CEP85: variants seen among roughly 807,000 people sequenced by gnomAD.
CEP85 encodes the protein centrosomal protein 85, also known as centrosomal protein of 85 kDa.
In CEP85, 58 loss-of-function variants were observed where a neutral mutation model predicts 93.7. The ratio of observed to expected loss-of-function variants is 0.62; its 90% confidence interval spans 0.50 to 0.77. CEP85 has a LOEUF of 0.77. Among genes scored for constraint, CEP85 ranks in the 30% least tolerant of loss-of-function variants. CEP85 has a pLI of 0.00. For synonymous variants in CEP85, 314 were observed against 338.6 expected (o/e 0.93, Z 0.80); for missense variants, 868 against 922.0 (o/e 0.94, Z 0.76).
At chr1:26,252,685 G>A (rs190111579) in intron 3 of CEP85, among the ~76,000 whole-genome samples, 1 of 152,266 alleles carries the variant, frequency 6.6e-6, no homozygotes, top group Non-Finnish European at 1.5e-5. Flanking sequence ...TTGGTCCTGA[G>A]AGACTAATGC....
At chr1:26,271,961 C>T in intron 10 of CEP85, 60 bp from the exon 11 acceptor site, 1 of 1,489,392 alleles carries the variant, frequency 6.7e-7, no homozygotes, top group Non-Finnish European at 9.3e-7. Context: ...AGCCCCCTTG[C>T]CCTCTGTCCT....
In CEP85 at chr1:26,276,535, C is replaced by T; in HGVS notation, c.1903C>T (p.Leu635Phe). Residue 635 changes from leucine (L) to phenylalanine (F), a missense_variant and splice_region_variant, in exon 13 of 14, where the codon CTT becomes TTT. Physicochemically the swap from Leu to Phe is conservative, Grantham distance 22 (BLOSUM62 0). Coordinates refer to ENST00000451429, the MANE Select transcript of CEP85 (RefSeq NM_001319944.2). ...TGTGCTTACCCATCTGTCTGCTCAG[C>T]TTTCAGTGCAAAACCAGGACTTGAT... ...LQQLRTAVKELSVQNQDLIEK... is the reference protein window; with the variant it reads ...LQQLRTAVKEFSVQNQDLIEK... 13 of 1,613,650 alleles carry T rather than the reference C, an allele frequency of 8.1e-6. No individual in the cohort carries two copies. The highest frequency in any genetic ancestry group is 1.0e-5 in the Non-Finnish European group (12 of 1,179,556).
chr1:26,276,591 G>A lies in CEP85; in HGVS notation c.1959G>A (p.Leu653=), dbSNP rs1321516290. The change falls in exon 13 of 14, where the codon CTG becomes CTA. Residue 653 remains leucine (L), a synonymous_variant. Transcript: ENST00000451429. The part of the protein sequence containing the change: ...IEKNLTLQEH[L]RQAQPGSPPS... ...AGAATCTGACACTCCAGGAACACCT[G>A]CGCCAGGCCCAACCAGGGTCTCCAC... 3.1e-6 allele frequency: 5 copies of A among 1,614,088 alleles called. No homozygotes were observed. Among genetic ancestry groups the A allele is most frequent in the Non-Finnish European group, 4.2e-6 (5 of 1,180,042 alleles).
At chr1:26,243,130 T>C (rs1260946702) in intron 2 of CEP85, among the ~76,000 whole-genome samples, 3 of 4,258 alleles carry the variant, frequency 7.0e-4, no homozygotes, top group African/African-American at 1.8e-3. Context: ...GTGATTTTCT[T>C]TTTTTTTTTT....
chr1:26,255,258 T>C lies in CEP85; in HGVS notation c.296T>C (p.Leu99Ser), dbSNP rs752574986. 3.7e-6 allele frequency: 6 copies of C among 1,614,150 alleles called. No homozygotes were observed. In the South Asian group the frequency reaches 5.5e-5, roughly 15 times the overall value. The change falls in exon 4 of 14, where the codon TTA becomes TCA. Residue 99 changes from leucine (L) to serine (S), a missense_variant. Coordinates refer to ENST00000451429, the MANE Select transcript of CEP85 (RefSeq NM_001319944.2). Reference protein sequence around the residue: ...IPTAHVMPSTLGTSPAKPNST... With the variant: ...IPTAHVMPSTSGTSPAKPNST... ...ACAGCCCATGTGATGCCTTCTACTT[T>C]AGGGACCTCTCCTGCCAAGCCAAAT...
intron 2 of CEP85, among the ~76,000 whole-genome samples, chr1:26,241,244 ATTT>A (rs71004567): frequency 1.1e-4 from 12 of 109,288 alleles, no homozygotes; most frequent in Admixed American, 4.1e-4. Flanking sequence ...ATTCAGCAGA[ATTT>A]TTTTTTTTTT....
chr1:26,244,219 G>A lies in CEP85; in HGVS notation c.109G>A (p.Val37Ile). The stretch of plus-strand genomic sequence containing the variant: ...CCTGGGGACTGAATGGCAGACCCCA[G>A]TTATCTCGGAGCCCTTTCGGAGCCG... ...SSLGTEWQTPVISEPFRSRFS... is the reference protein window; with the variant it reads ...SSLGTEWQTPIISEPFRSRFS... Residue 37 changes from valine to isoleucine, a missense_variant, in exon 3 of 14, where the codon GTT becomes ATT. Val to Ile is a conservative substitution (Grantham distance 29). Coordinates refer to ENST00000451429, the MANE Select transcript of CEP85 (RefSeq NM_001319944.2). 6.2e-7 allele frequency: 1 copy of A among 1,613,810 alleles called. No individual in the cohort carries two copies. Among genetic ancestry groups the A allele is most frequent in the Non-Finnish European group, 8.5e-7 (1 of 1,179,992 alleles).
intron 3 of CEP85, among the ~76,000 whole-genome samples, chr1:26,248,861 GT>G (rs2089555767): frequency 1.3e-5 from 2 of 148,544 alleles, no homozygotes; most frequent in South Asian, 4.2e-4. Flanking sequence ...CAAGTAGCTG[GT>G]ACTACAGGCA....
chr1:26,257,420 C>G (rs1423539228), intron 4 of CEP85, among the ~76,000 whole-genome samples, 177 bp from the exon 5 acceptor site: 4 of 152,168 alleles, frequency 2.6e-5, no homozygotes, highest in African/African-American at 9.7e-5. Flanking sequence ...TTGGCAGAAG[C>G]CTTCCTGGCA....
At chr1:26,246,034 G>A (rs527388920) in intron 3 of CEP85, among the ~76,000 whole-genome samples, 5 of 152,036 alleles carry the variant, frequency 3.3e-5, no homozygotes, top group South Asian at 4.1e-4. Flanking sequence ...GTGTGACTCC[G>A]TTTTTTATTC....
chr1:26,248,948 G>A (rs1412098469), intron 3 of CEP85, among the ~76,000 whole-genome samples: 1 of 151,922 alleles, frequency 6.6e-6, no homozygotes, highest in African/African-American at 2.4e-5. Flanking sequence ...GAATGGTCTC[G>A]ATCTCCTGAC....
rs141067399 is a variant in CEP85 at position 26,268,332 on chromosome 1, C to T, written c.1342-151C>T. ...AATTAGCCTGCCGTGGTAGTGTGTG[C>T]CTGCAGTCCCAGCTACTCCAGGGGC... is the stretch of plus-strand genomic sequence containing the variant. On this transcript the variant is annotated intron_variant, in intron 7 of 13. Coordinates refer to ENST00000451429, the MANE Select transcript of CEP85 (RefSeq NM_001319944.2). 9.5e-4 allele frequency: 703 copies of T among 743,318 alleles called. 1 individual carries two copies. The highest frequency in any genetic ancestry group is 1.4e-3 in the Non-Finnish European group (623 of 442,436). The allele number at this position is 743,318 out of a possible 1,614,324, so 46.0% of individuals were successfully genotyped here.
At chr1:26,252,166 G>C (rs2089627385) in intron 3 of CEP85, among the ~76,000 whole-genome samples, 1 of 152,036 alleles carries the variant, frequency 6.6e-6, no homozygotes, top group Non-Finnish European at 1.5e-5. Flanking sequence ...AGGAGGCAGA[G>C]GTTGCGGTGA....
chr1:26,273,313 AC>A (rs1329791334), intron 11 of CEP85, among the ~76,000 whole-genome samples: 1 of 152,190 alleles, frequency 6.6e-6, no homozygotes, highest in Admixed American at 6.5e-5. Flanking sequence ...ACACCAAAAC[AC>A]CCGAAATGCA....
chr1:26,267,034 T>C (rs1263752776), intron 7 of CEP85, among the ~76,000 whole-genome samples: 1 of 152,250 alleles, frequency 6.6e-6, no homozygotes, highest in Non-Finnish European at 1.5e-5. Flanking sequence ...CCAATTCAGA[T>C]GCACACCATC....
intron 11 of CEP85, among the ~76,000 whole-genome samples, chr1:26,273,161 A>C (rs2090003344): frequency 6.6e-6 from 1 of 152,198 alleles, no homozygotes; most frequent in Admixed American, 6.5e-5. Flanking sequence ...GACAAGATGT[A>C]GGGGTTGAAG....
At chr1:26,256,077 G>C (rs1047005931) in intron 4 of CEP85, among the ~76,000 whole-genome samples, 1 of 152,132 alleles carries the variant, frequency 6.6e-6, no homozygotes, top group Non-Finnish European at 1.5e-5. Context: ...ATAGCAAAAG[G>C]TTACAAAGGA....
chr1:26,238,315 C>T (rs1488767300), intron 1 of CEP85, among the ~76,000 whole-genome samples: 1 of 148,342 alleles, frequency 6.7e-6, no homozygotes, highest in Non-Finnish European at 1.5e-5. Flanking sequence ...ATTCTCCTGC[C>T]TCAGCCTCCC....
Position 26,277,921 on chromosome 1 carries a change from A to G in CEP85, c.*628A>G, listed in dbSNP as rs1350363097. The G allele has an allele frequency of 2.6e-5, 4 of 152,710 alleles. No individual in the cohort carries two copies. Among genetic ancestry groups the G allele is most frequent in the Non-Finnish European group, 2.9e-5 (2 of 68,160 alleles). The allele number at this position is 152,710 out of a possible 1,614,324, so 9.5% of individuals were successfully genotyped here. The stretch of plus-strand genomic sequence containing the variant: ...TAGCCAGGACTCTAATCTGCCTACC[A>G]TGCCATTTAACAAGAGATCCCACTC... On this transcript the variant is annotated 3_prime_UTR_variant, in exon 14 of 14. Transcript: ENST00000451429.
Sources: gnomAD v4.1 joint callset for allele counts (sites outside exome capture counted in the v4.1 genomes callset) on GRCh38, gnomAD v4.1.1 for gene constraint, MANE v1.5 for transcripts, NCBI Gene and HGNC (gene_info 2026-07-23, HGNC 2026-07-21) for gene names.